THSD4: variants seen among roughly 807,000 people sequenced by gnomAD.
THSD4 encodes the protein thrombospondin type-1 domain-containing protein 4.
THSD4 carries 69 observed loss-of-function variants against 119.0 expected under a neutral mutation model. The observed-to-expected ratio is 0.58, with a 90% CI of 0.48 to 0.71. The LOEUF is 0.71. Ranked by LOEUF, THSD4 falls within the 30% of genes least tolerant of loss-of-function variation. THSD4 has a pLI of 0.00. For synonymous variants in THSD4, 524 were observed against 540.4 expected (o/e 0.97, Z 0.42); for missense variants, 1,393 against 1,391.1 (o/e 1.00, Z -0.02).
chr15:71,613,386 T>G (rs934201235), intron 7 of THSD4, among the ~76,000 whole-genome samples: 2 of 152,196 alleles, frequency 1.3e-5, no homozygotes, highest in African/African-American at 4.8e-5. Flanking sequence ...TTTAACATTT[T>G]TTTAAGTCCT....
intron 8 of THSD4, among the ~76,000 whole-genome samples, chr15:71,700,123 A>T (rs1024589127): frequency 6.6e-6 from 1 of 152,174 alleles, no homozygotes; most frequent in Non-Finnish European, 1.5e-5. Flanking sequence ...TAAATGAGGT[A>T]TAAAGATTGT....
intron 6 of THSD4, among the ~76,000 whole-genome samples, chr15:71,357,904 G>A (rs1258537995): frequency 6.6e-6 from 1 of 152,224 alleles, no homozygotes; most frequent in Admixed American, 6.5e-5. Flanking sequence ...GGGGGAAAAA[G>A]CATTCATGCT....
upstream of THSD4, chr15:71,112,091 C>T (rs1341651031): frequency 6.2e-7 from 1 of 1,612,076 alleles, no homozygotes; most frequent in African/African-American, 1.3e-5. Flanking sequence ...CCTGAACTCC[C>T]AGAAGGTTGC....
At chr15:71,498,045 CTG>C (rs1465535229) in intron 7 of THSD4, among the ~76,000 whole-genome samples, 2 of 152,182 alleles carry the variant, frequency 1.3e-5, no homozygotes, top group African/African-American at 4.8e-5. Context: ...CTTATCCTAA[CTG>C]GGGTGGCATG....
intron 2 of THSD4, among the ~76,000 whole-genome samples, chr15:71,152,960 A>G (rs1251829947): frequency 6.6e-6 from 1 of 152,064 alleles, no homozygotes; most frequent in Non-Finnish European, 1.5e-5. Context: ...CAGATAACCT[A>G]AGTTCCATGT....
intron 16 of THSD4, 50 bp downstream of exon 16, chr15:71,765,249 C>G (rs375663740): frequency 6.3e-7 from 1 of 1,577,310 alleles, no homozygotes; most frequent in African/African-American, 1.3e-5. Context: ...ACGTCCCCCA[C>G]CTGAACTCCT....
At chr15:71,316,766 GTT>G (rs1286030594) in intron 6 of THSD4, among the ~76,000 whole-genome samples, 1 of 152,182 alleles carries the variant, frequency 6.6e-6, no homozygotes, top group African/African-American at 2.4e-5. Context: ...GAAGATTTAT[GTT>G]CCAAGCATCT....
chr15:71,689,293 A>C (rs2051993250), intron 8 of THSD4, among the ~76,000 whole-genome samples: 1 of 152,174 alleles, frequency 6.6e-6, no homozygotes, highest in Non-Finnish European at 1.5e-5. Context: ...GGCTTCCGGA[A>C]GCAGCGTCTG....
intron 7 of THSD4, among the ~76,000 whole-genome samples, chr15:71,495,222 T>C (rs944714362): frequency 6.6e-6 from 1 of 152,240 alleles, no homozygotes; most frequent in Non-Finnish European, 1.5e-5. Flanking sequence ...ATTGTTGGGT[T>C]ACTTTTGAGA....
At chr15:71,275,753 G>A (rs537090353) in intron 6 of THSD4, among the ~76,000 whole-genome samples, 44 of 152,214 alleles carry the variant, frequency 2.9e-4, no homozygotes, top group African/African-American at 8.2e-4. Context: ...TGCTGTTCTC[G>A]TGATAGTGAG....
intron 7 of THSD4, among the ~76,000 whole-genome samples, chr15:71,435,694 G>T (rs151129984): frequency 2.7e-3 from 418 of 152,270 alleles, no homozygotes; most frequent in African/African-American, 9.6e-3. Context: ...TGCCACAGGC[G>T]GTTAAGGATG....
intron 7 of THSD4, among the ~76,000 whole-genome samples, chr15:71,621,796 C>T (rs2050423064): frequency 2.0e-5 from 3 of 152,166 alleles, no homozygotes. Flanking sequence ...ATAAATGGAA[C>T]TTCCATGTTA....
rs529634898 is a variant in THSD4, at chr15:71,117,819, A to G, written c.-80+2121A>G. Among the ~76,000 whole-genome samples the G allele has an allele frequency of 8.0e-4, 122 of 152,298 alleles. 1 individual carries two copies. In the Middle Eastern group the frequency reaches 0.014, roughly 17 times the overall value. On this transcript the variant is annotated intron_variant, in intron 1 of 17. Transcript: ENST00000261862. ...CAACAGATATTTCTGAGCGTCTGCT[A>G]TGTGCCAGGGACTGTTACTATGTGC...
chr15:71,237,182 A>G (rs763135974), intron 4 of THSD4, among the ~76,000 whole-genome samples: 40 of 152,126 alleles, frequency 2.6e-4, no homozygotes, highest in Admixed American at 4.6e-4. Flanking sequence ...TGGGTGGAAG[A>G]GCCAGCCGTC....
At chr15:71,120,181 C>G (rs1327742994) in intron 1 of THSD4, among the ~76,000 whole-genome samples, 2 of 152,184 alleles carry the variant, frequency 1.3e-5, no homozygotes. Context: ...CTCCCAGCTG[C>G]GCGGTGATAG....
intron 7 of THSD4, among the ~76,000 whole-genome samples, chr15:71,478,006 T>C (rs1485974910): frequency 6.6e-6 from 1 of 152,232 alleles, no homozygotes; most frequent in African/African-American, 2.4e-5. Context: ...TGGAGGCTGC[T>C]GCAAGAAGCA....
intron 2 of THSD4, among the ~76,000 whole-genome samples, chr15:71,141,849 A>C (rs928165774): frequency 6.6e-6 from 1 of 152,178 alleles, no homozygotes; most frequent in Admixed American, 6.5e-5. Flanking sequence ...TACACCTGTA[A>C]TCCCAGCATT....
chr15:71,746,895 C>A lies in THSD4; in HGVS notation c.2094C>A (p.His698Gln). The A allele has an allele frequency of 6.2e-7, 1 of 1,614,088 alleles. No individual in the cohort carries two copies. Among genetic ancestry groups the A allele is most frequent in the Non-Finnish European group, 8.5e-7 (1 of 1,180,040 alleles). The change falls in exon 13 of 18, where the codon CAC (histidine) becomes CAA (glutamine). Residue 698 changes from histidine to glutamine, a missense_variant. His to Gln is a conservative substitution (Grantham distance 24). Coordinates refer to ENST00000261862, the MANE Select transcript of THSD4 (RefSeq NM_024817.3). ...CSKTCGLGMQHRQVLCRQVYA... is the reference protein window; with the variant it reads ...CSKTCGLGMQQRQVLCRQVYA... ...AGACCTGTGGCCTGGGCATGCAGCA[C>A]CGCCAGGTTCTGTGCCGCCAGGTGT...
intron 3 of THSD4, among the ~76,000 whole-genome samples, chr15:71,202,115 A>G (rs1047733593): frequency 1.3e-5 from 2 of 152,118 alleles, no homozygotes; most frequent in African/African-American, 4.8e-5. Flanking sequence ...CTTTCAGGCG[A>G]GACCACACCT....
Sources: gnomAD v4.1 joint callset for allele counts (sites outside exome capture counted in the v4.1 genomes callset) on GRCh38, gnomAD v4.1.1 for gene constraint, MANE v1.5 for transcripts, NCBI Gene and HGNC (gene_info 2026-07-23, HGNC 2026-07-21) for gene names.